The following GPC5 variants were observed in gnomAD, a reference collection of about 807,000 sequenced individuals.
The protein encoded by GPC5 is glypican-5.
Under a neutral mutation model 53.9 loss-of-function variants are expected in GPC5, and 47 were observed. The ratio of observed to expected loss-of-function variants is 0.87; its 90% CI spans 0.69 to 1.11. GPC5 has a LOEUF of 1.11. GPC5 is among the 50% of genes most tolerant of loss of function. GPC5 has a pLI of 0.00. For missense variants in GPC5, 748 were observed against 713.1 expected (o/e 1.05, Z -0.56); for synonymous variants, 286 against 263.3 (o/e 1.09, Z -0.84).
chr13:92,584,841 C>T (rs1023291170), intron 7 of GPC5, among the ~76,000 whole-genome samples: 6 of 152,140 alleles, frequency 3.9e-5, no homozygotes, highest in South Asian at 2.1e-4. Context: ...AAGGGGCCAA[C>T]GTACAGCTTG....
At chr13:91,548,696 C>A (rs540068405) in intron 2 of GPC5, among the ~76,000 whole-genome samples, 1 of 152,202 alleles carries the variant, frequency 6.6e-6, no homozygotes, top group East Asian at 1.9e-4. Flanking sequence ...ACTACCTGAC[C>A]TCAAGACTTT....
intron 7 of GPC5, among the ~76,000 whole-genome samples, chr13:92,471,912 T>C (rs1878928942): frequency 6.6e-6 from 1 of 152,142 alleles, no homozygotes; most frequent in African/African-American, 2.4e-5. Context: ...AATAGGTGGT[T>C]CTGTTTTTAT....
intron 5 of GPC5, among the ~76,000 whole-genome samples, chr13:91,806,281 C>T (rs1485445284): frequency 1.3e-5 from 2 of 151,860 alleles, no homozygotes; most frequent in Non-Finnish European, 2.9e-5. Context: ...ACAATCCACC[C>T]ACCTTGGCCT....
chr13:92,261,994 G>T (rs1271600689), intron 7 of GPC5, among the ~76,000 whole-genome samples: 1 of 152,092 alleles, frequency 6.6e-6, no homozygotes, highest in Non-Finnish European at 1.5e-5. Flanking sequence ...TTGAGGTTTT[G>T]CCATATGTCC....
chr13:91,948,096 C>T (rs1159389776), intron 6 of GPC5, among the ~76,000 whole-genome samples: 12 of 151,558 alleles, frequency 7.9e-5, no homozygotes, highest in African/African-American at 2.9e-4. Context: ...GGTGTGGTGG[C>T]GGGCGCCTGT....
chr13:92,664,162 C>T (rs746010163), intron 7 of GPC5, among the ~76,000 whole-genome samples: 11 of 151,772 alleles, frequency 7.2e-5, no homozygotes, highest in African/African-American at 2.7e-4. Context: ...TGGAGGACTG[C>T]ATGTGAAAGT....
intron 3 of GPC5, among the ~76,000 whole-genome samples, chr13:91,712,202 A>T (rs973083603): frequency 6.6e-6 from 1 of 152,076 alleles, no homozygotes; most frequent in Admixed American, 6.6e-5. Flanking sequence ...TCAATGATTT[A>T]TCCATATGCA....
intron 7 of GPC5, among the ~76,000 whole-genome samples, chr13:92,478,735 G>A (rs1345798651): frequency 6.6e-6 from 1 of 152,144 alleles, no homozygotes; most frequent in Admixed American, 6.6e-5. Context: ...CTCAGCATGG[G>A]ACATAAAGAG....
At chr13:92,505,990 G>A (rs1375833406) in intron 7 of GPC5, among the ~76,000 whole-genome samples, 2 of 152,122 alleles carry the variant, frequency 1.3e-5, no homozygotes, top group African/African-American at 4.8e-5. Context: ...GAGATGGAAG[G>A]AGAGAATGGG....
intron 4 of GPC5, among the ~76,000 whole-genome samples, chr13:91,742,569 C>G (rs919890011): frequency 2.0e-5 from 3 of 152,152 alleles, no homozygotes; most frequent in Non-Finnish European, 2.9e-5. Flanking sequence ...TAGAAGTTGA[C>G]ATTGCAGTTG....
At chr13:92,824,851 A>C (rs1566434001) in intron 7 of GPC5, among the ~76,000 whole-genome samples, 1 of 152,074 alleles carries the variant, frequency 6.6e-6, no homozygotes, top group Non-Finnish European at 1.5e-5. Flanking sequence ...AAATAAATAA[A>C]ATTTTCATTA....
At chr13:91,432,174 T>C (rs947017423) in intron 1 of GPC5, among the ~76,000 whole-genome samples, 2 of 147,520 alleles carry the variant, frequency 1.4e-5, no homozygotes, top group African/African-American at 5.1e-5. Context: ...TAGCTAGATA[T>C]GCTGCTTCCA....
intron 6 of GPC5, among the ~76,000 whole-genome samples, chr13:92,067,023 G>T (rs1424007108): frequency 6.6e-6 from 1 of 152,058 alleles, no homozygotes; most frequent in Non-Finnish European, 1.5e-5. Context: ...AAGGATATAT[G>T]AAGTGAAATA....
chr13:91,964,184 C>T (rs1427306391), intron 6 of GPC5, among the ~76,000 whole-genome samples: 4 of 152,182 alleles, frequency 2.6e-5, no homozygotes, highest in African/African-American at 9.7e-5. Flanking sequence ...CAGACCTTCA[C>T]AGTGAGTGTT....
At chr13:92,183,947 C>A (rs1323892064) in intron 7 of GPC5, among the ~76,000 whole-genome samples, 1 of 151,946 alleles carries the variant, frequency 6.6e-6, no homozygotes, top group Non-Finnish European at 1.5e-5. Flanking sequence ...AATCCAACCA[C>A]TGATACTATT....
intron 7 of GPC5, among the ~76,000 whole-genome samples, chr13:92,338,268 C>T (rs370287864): frequency 1.4e-4 from 22 of 152,084 alleles, no homozygotes; most frequent in Admixed American, 4.6e-4. Flanking sequence ...TTAGAATGGT[C>T]GAAATTCAAA....
chr13:91,482,205 A>G (rs1024115302), intron 2 of GPC5, among the ~76,000 whole-genome samples: 5 of 152,158 alleles, frequency 3.3e-5, no homozygotes, highest in African/African-American at 1.2e-4. Flanking sequence ...TACTGCTACA[A>G]AAAGGGCTTG....
chr13:92,031,703 T>A lies in GPC5; in HGVS notation c.1402-113127T>A, dbSNP rs1329875129. 1.6e-4 allele frequency among the ~76,000 whole-genome samples: 11 copies of A among 66,688 alleles called. 2 individuals are homozygous for A. Among genetic ancestry groups the A allele is most frequent in the Non-Finnish European group, 2.8e-4 (10 of 35,998 alleles). 43.7% of individuals were successfully genotyped at this position (66,688 alleles called of 152,430 possible). On this transcript the variant is annotated intron_variant, in intron 6 of 7. Coordinates refer to ENST00000377067, the MANE Select transcript of GPC5 (RefSeq NM_004466.6). ...TATATATATAGTATATATAATATAT[T>A]ATATATATTACATATATGTAATATA...
chr13:92,465,785 T>G (rs1878667463), intron 7 of GPC5, among the ~76,000 whole-genome samples: 1 of 152,028 alleles, frequency 6.6e-6, no homozygotes, highest in Admixed American at 6.6e-5. Context: ...TAAGAAAACA[T>G]TAGTCCAATG....
Sources: gnomAD v4.1 joint callset for allele counts (sites outside exome capture counted in the v4.1 genomes callset) on GRCh38, gnomAD v4.1.1 for gene constraint, MANE v1.5 for transcripts, NCBI Gene and HGNC (gene_info 2026-07-23, HGNC 2026-07-21) for gene names.